The following ZDHHC17 variants were observed in gnomAD, a reference collection of about 807,000 sequenced individuals.
ZDHHC17 encodes the protein zDHHC palmitoyltransferase 17.
In ZDHHC17, 40 loss-of-function variants were observed where a neutral mutation model predicts 90.3. That is an observed-to-expected ratio of 0.44 (90% CI 0.34 to 0.58). The LOEUF (loss-of-function observed/expected upper bound fraction) is 0.58. Ranked by LOEUF, ZDHHC17 falls within the 20% of genes least tolerant of loss-of-function variation. The pLI, the probability that ZDHHC17 is intolerant of heterozygous loss-of-function variation, is 0.01. For synonymous variants in ZDHHC17, 235 were observed against 252.4 expected, an observed-to-expected ratio of 0.93 and a Z score of 0.65; for missense variants, 614 against 780.8, an observed-to-expected ratio of 0.79 and a Z score of 2.55.
chr12:76,764,254 AT>A lies in ZDHHC17; in HGVS notation c.21del (p.Phe7LeufsTer55), dbSNP rs781550722. On this transcript the variant is annotated frameshift_variant, in exon 1 of 17. Transcript: ENST00000426126. LOFTEE classifies it high-confidence loss of function. ...CTCCCAGCATGCAGCGGGAGGAGGG[AT>A]TTAACACCAAGATGGCGGACGGCCC... MQREEG[F>X]NTKMADGPDE... is the part of the protein sequence containing the mutation. The A allele has an allele frequency of 1.2e-6, 2 of 1,602,028 alleles. No individual in the cohort carries two copies. Among genetic ancestry groups the A allele is most frequent in the South Asian group, 2.2e-5 (2 of 88,986 alleles).
intron 10 of ZDHHC17, among the ~76,000 whole-genome samples, chr12:76,830,962 A>G (rs1257182727): frequency 2.0e-5 from 3 of 152,206 alleles, no homozygotes; most frequent in Admixed American, 1.3e-4. Flanking sequence ...TAAGAGAGGC[A>G]AATTTTGAAG....
In ZDHHC17 at chr12:76,809,072, A is replaced by G. The variant is rs374554650; in HGVS notation, c.350A>G (p.Asp117Gly). The change falls in exon 4 of 17, where the codon GAT becomes GGT. Residue 117 changes from aspartate to glycine, a missense_variant. Physicochemically the swap from Asp to Gly is moderately conservative, Grantham distance 94 (BLOSUM62 -1). Coordinates refer to ENST00000426126, the MANE Select transcript of ZDHHC17 (RefSeq NM_015336.4). Reference protein sequence around the residue: ...KYYISKGAIVDQLGGDLNSTP... With the variant: ...KYYISKGAIVGQLGGDLNSTP... ...TATATTTCGAAAGGTGCTATTGTGG[A>G]TCAACTTGGAGGGGACCTGAATTCA... 6.4e-7 allele frequency: 1 copy of G among 1,565,914 alleles called. No individual in the cohort carries two copies. The highest frequency in any genetic ancestry group is 8.6e-7 in the Non-Finnish European group (1 of 1,157,198).
chr12:76,792,634 C>T lies in ZDHHC17; in HGVS notation c.94-4800C>T, dbSNP rs372354923. On this transcript the variant is annotated intron_variant, in intron 1 of 16. Coordinates refer to ENST00000426126, the MANE Select transcript of ZDHHC17 (RefSeq NM_015336.4). ...GGAGGTAATTTCTCTCCTTCCAGTT[C>T]TCTTCAAAGCCAGGACTATTAAAAC... Among the ~76,000 whole-genome samples the T allele has an allele frequency of 7.2e-5, 11 of 152,058 alleles. No homozygotes were observed. In the South Asian group the frequency reaches 2.1e-3, roughly 29 times the overall value.
chr12:76,846,746 C>T (rs1462921146), intron 14 of ZDHHC17, 67 bp downstream of exon 14: 3 of 1,303,698 alleles, frequency 2.3e-6, no homozygotes, highest in African/African-American at 3.0e-5. Context: ...ACTTACCACA[C>T]TAACAAATTA....
At chr12:76,803,399 A>G (rs1469859494) in intron 2 of ZDHHC17, among the ~76,000 whole-genome samples, 3 of 151,716 alleles carry the variant, frequency 2.0e-5, no homozygotes, top group Non-Finnish European at 4.4e-5. Flanking sequence ...GGGAATATGA[A>G]TCATTCCTCT....
chr12:76,765,274 TTC>T lies in ZDHHC17; in HGVS notation c.93+947_93+948del, dbSNP rs1286220466. ...ACCTGGTTACTTTGCAATGGAGTGA[TTC>T]TGTTTTTTTCTGGATTTGGGTTTGT... On this transcript the variant is annotated intron_variant, in intron 1 of 16. Transcript: ENST00000426126. Among the ~76,000 whole-genome samples the T allele has an allele frequency of 8.5e-5, 13 of 152,324 alleles. No individual in the cohort carries two copies. The East Asian group carries it at 2.5e-3, about 29-fold the overall frequency.
In ZDHHC17 at chr12:76,851,991, A is replaced by C. The variant is rs769422213; in HGVS notation, c.*1006A>C. On this transcript the variant is annotated 3_prime_UTR_variant, in exon 17 of 17. Coordinates refer to ENST00000426126, the MANE Select transcript of ZDHHC17 (RefSeq NM_015336.4). ...TCTAAGTACATAGCACATGTGAATA[A>C]AAGAAAAGCTGACAGTATATTCTGG... 6.6e-6 allele frequency: 1 copy of C among 152,632 alleles called. No individual in the cohort carries two copies. Among genetic ancestry groups the C allele is most frequent in the Non-Finnish European group, 1.5e-5 (1 of 68,046 alleles). The allele number at this position is 152,632 out of a possible 1,614,324, so 9.5% of individuals were successfully genotyped here.
intron 16 of ZDHHC17, among the ~76,000 whole-genome samples, chr12:76,850,534 A>G (rs1164016935): frequency 6.6e-6 from 1 of 152,184 alleles, no homozygotes; most frequent in East Asian, 1.9e-4. Context: ...GCCGGGCAAC[A>G]TAGTTAAGAC....
At chr12:76,769,201 G>T in intron 1 of ZDHHC17, 3 of 211,582 alleles carry the variant, frequency 1.4e-5, no homozygotes, top group Admixed American at 5.7e-5. Context: ...TGGGATTACA[G>T]GTGCCTGCCA....
intron 2 of ZDHHC17, among the ~76,000 whole-genome samples, chr12:76,801,362 C>T (rs1952887366): frequency 6.6e-6 from 1 of 151,344 alleles, no homozygotes; most frequent in African/African-American, 2.4e-5. Flanking sequence ...CATTTAACAT[C>T]CTAAAGTTGG....
At chr12:76,823,822 C>T (rs1953194884) in intron 8 of ZDHHC17, among the ~76,000 whole-genome samples, 1 of 152,122 alleles carries the variant, frequency 6.6e-6, no homozygotes, top group Non-Finnish European at 1.5e-5. Flanking sequence ...TGGCTGTTTT[C>T]AGCCCTATAA....
intron 10 of ZDHHC17, among the ~76,000 whole-genome samples, chr12:76,836,950 C>A (rs1328745719): frequency 6.6e-6 from 1 of 152,066 alleles, no homozygotes; most frequent in Non-Finnish European, 1.5e-5. Flanking sequence ...ATTAGTATTG[C>A]TTTAAATAAT....
intron 2 of ZDHHC17, among the ~76,000 whole-genome samples, chr12:76,799,474 T>C (rs1565777250): frequency 6.6e-6 from 1 of 152,212 alleles, no homozygotes; most frequent in Non-Finnish European, 1.5e-5. Context: ...TACAACTTGC[T>C]GAGGACATGT....
intron 1 of ZDHHC17, among the ~76,000 whole-genome samples, chr12:76,768,842 C>T (rs1212635017): frequency 6.6e-6 from 1 of 152,208 alleles, no homozygotes; most frequent in Non-Finnish European, 1.5e-5. Flanking sequence ...CCTAGATTAT[C>T]TAGGGCTTTC....
At chr12:76,768,887 A>C (rs1452883547) in intron 1 of ZDHHC17, among the ~76,000 whole-genome samples, 2 of 151,896 alleles carry the variant, frequency 1.3e-5, no homozygotes, top group East Asian at 3.9e-4. Context: ...TCTATTTCAA[A>C]ACTTCTGCTA....
rs1211086639 is a variant in ZDHHC17, at chr12:76,845,701, A to G, written c.1330-8A>G. 3.5e-5 allele frequency: 55 copies of G among 1,566,538 alleles called. No individual in the cohort carries two copies. Among genetic ancestry groups the G allele is most frequent in the Non-Finnish European group, 4.7e-5 (54 of 1,141,656 alleles). ...CCTTTCATAATCCTTTAACATGCCT[A>G]TTAACAGATACGAAAACCGGTGAGG... On this transcript the variant is annotated splice_polypyrimidine_tract_variant and splice_region_variant and intron_variant, in intron 12 of 16. Transcript: ENST00000426126.
rs147642224 is a variant in ZDHHC17, at chr12:76,772,578, A to G, written c.93+8249A>G. ...TGAGACGGAGTCTAGCTTTGTCGCCAGGCTGGAGTGCAGTGATACAATCTC... is the reference window on the plus strand; with the variant it reads ...TGAGACGGAGTCTAGCTTTGTCGCCGGGCTGGAGTGCAGTGATACAATCTC... On this transcript the variant is annotated intron_variant, in intron 1 of 16. Transcript: ENST00000426126. 8.0e-3 allele frequency among the ~76,000 whole-genome samples: 1,121 copies of G among 139,344 alleles called. 14 individuals carry two copies. Among genetic ancestry groups the G allele is most frequent in the African/African-American group, 0.029 (1,058 of 36,478 alleles). The allele number at this position is 139,344 out of a possible 152,430, so 91.4% of individuals were successfully genotyped here. A position where few individuals can be genotyped will look rare whatever the true frequency, so the allele number is the denominator to read the frequency against.
chr12:76,797,136 T>A lies in ZDHHC17; in HGVS notation c.94-298T>A, dbSNP rs774944217. ...AAAATTAGCTGGGCATGGTGGCACG[T>A]GCCTATAGTCTCAGCTACTCAGGAG... On this transcript the variant is annotated intron_variant, in intron 1 of 16. Transcript: ENST00000426126. Among the ~76,000 whole-genome samples the A allele has an allele frequency of 2.2e-4, 33 of 152,106 alleles. 1 individual carries two copies. Among genetic ancestry groups the A allele is most frequent in the Middle Eastern group, 6.8e-3 (2 of 294 alleles).
intron 10 of ZDHHC17, among the ~76,000 whole-genome samples, chr12:76,830,858 A>C (rs1782386260): frequency 7.7e-6 from 1 of 129,776 alleles, no homozygotes; most frequent in South Asian, 2.5e-4. Flanking sequence ...AGCATTATAT[A>C]GTAAAATTTC....
Sources: allele counts gnomAD v4.1 joint callset (sites outside exome capture counted in the v4.1 genomes callset), GRCh38; gene constraint gnomAD v4.1.1; transcripts MANE v1.5; gene names NCBI Gene and HGNC (gene_info 2026-07-23, HGNC 2026-07-21).